The following ELOVL6 variants were observed in gnomAD, a reference collection of about 807,000 sequenced individuals.
ELOVL6 encodes ELOVL fatty acid elongase 6.
ELOVL6 carries 8 observed loss-of-function variants against 31.7 expected under a neutral mutation model. The ratio of observed to expected loss-of-function variants is 0.25; its 90% CI spans 0.15 to 0.45. The LOEUF (loss-of-function observed/expected upper bound fraction) is 0.45, where lower values mean the gene tolerates loss of function less well. ELOVL6 is among the 20% of genes least tolerant of loss of function. ELOVL6 has a pLI of 1.00. For missense variants in ELOVL6, 126 were observed against 326.4 expected, an observed-to-expected ratio of 0.39 and a Z score of 4.73; for synonymous variants, 101 against 117.7, an observed-to-expected ratio of 0.86 and a Z score of 0.92.
Position 110,167,303 on chromosome 4 carries a change from G to A in ELOVL6, c.89+30944C>T, listed in dbSNP as rs75055990. Among the ~76,000 whole-genome samples, 839 of 152,146 alleles carry A rather than the reference G, an allele frequency of 5.5e-3. 23 individuals are homozygous for A. Among genetic ancestry groups the A allele is most frequent in the East Asian group, 0.027 (139 of 5,180 alleles). On this transcript the variant is annotated intron_variant, in intron 1 of 3. Transcript: ENST00000302274. ...GGACTTGTGTTTTAGTACATACAGC[G>A]TTAAGTACTTAACCTTATACTAACT...
chr4:110,106,512 T>C (rs1299853700), intron 1 of ELOVL6, among the ~76,000 whole-genome samples: 2 of 152,176 alleles, frequency 1.3e-5, no homozygotes, highest in East Asian at 3.9e-4. Context: ...GACTGTATAC[T>C]GTACCATGGC....
intron 1 of ELOVL6, among the ~76,000 whole-genome samples, chr4:110,139,049 G>T (rs532577025): frequency 4.4e-4 from 67 of 152,204 alleles, no homozygotes; most frequent in Non-Finnish European, 7.6e-4. Flanking sequence ...TTCTTATCTT[G>T]CAGGGTTGAA....
chr4:110,130,960 T>C (rs968338264), intron 1 of ELOVL6, among the ~76,000 whole-genome samples: 1 of 152,234 alleles, frequency 6.6e-6, no homozygotes, highest in African/African-American at 2.4e-5. Context: ...TAAAGATCAT[T>C]AGATACTTCA....
intron 1 of ELOVL6, among the ~76,000 whole-genome samples, chr4:110,154,684 C>G (rs1239122008): frequency 6.6e-6 from 1 of 152,188 alleles, no homozygotes; most frequent in Non-Finnish European, 1.5e-5. Context: ...AGACCCAAAC[C>G]GAATTTCTTA....
intron 1 of ELOVL6, among the ~76,000 whole-genome samples, chr4:110,169,646 GTGAGCACACACAGGTGTT>G (rs1354239560): frequency 6.6e-6 from 1 of 152,122 alleles, no homozygotes; most frequent in Non-Finnish European, 1.5e-5. Flanking sequence ...CGGTGTGTGT[GTGAGCACACACAGGTGTT>G]TGGAAATTAT....
At chr4:110,081,200 T>A (rs1298072255) in intron 2 of ELOVL6, among the ~76,000 whole-genome samples, 1 of 152,098 alleles carries the variant, frequency 6.6e-6, no homozygotes. Flanking sequence ...GCCATCCCCA[T>A]CAAGCTACCA....
At chr4:110,122,136 T>C (rs946884540) in intron 1 of ELOVL6, among the ~76,000 whole-genome samples, 1 of 152,328 alleles carries the variant, frequency 6.6e-6, no homozygotes, top group East Asian at 1.9e-4. Context: ...GCCCTTTGCT[T>C]CAAAATCCTT....
At chr4:110,158,653 ATATATTTT>A (rs1356634517) in intron 1 of ELOVL6, among the ~76,000 whole-genome samples, 93 of 85,242 alleles carry the variant, frequency 1.1e-3, no homozygotes, top group African/African-American at 5.7e-3. Context: ...ATATATATAT[ATATATTTT>A]TTTTTTTTTT....
chr4:110,181,066 C>T (rs1169706272), intron 1 of ELOVL6, among the ~76,000 whole-genome samples: 1 of 151,402 alleles, frequency 6.6e-6, no homozygotes, highest in Non-Finnish European at 1.5e-5. Context: ...TGAGCTTAGG[C>T]ATTCGAGGTT....
chr4:110,169,473 C>A (rs550174388), intron 1 of ELOVL6, among the ~76,000 whole-genome samples: 77 of 151,198 alleles, frequency 5.1e-4, no homozygotes, highest in African/African-American at 1.8e-3. Context: ...TAACTCCTGA[C>A]CTCAGGTGAT....
At chr4:110,181,704 A>G (rs1300433732) in intron 1 of ELOVL6, among the ~76,000 whole-genome samples, 1 of 152,226 alleles carries the variant, frequency 6.6e-6, no homozygotes, top group Non-Finnish European at 1.5e-5. Flanking sequence ...CTGAAAGGTA[A>G]CCTTCTCCAT....
At chr4:110,105,926 C>A (rs1329728399) in intron 1 of ELOVL6, among the ~76,000 whole-genome samples, 3 of 152,190 alleles carry the variant, frequency 2.0e-5, no homozygotes, top group African/African-American at 4.8e-5. Flanking sequence ...AAAAAGTAGT[C>A]TTTTCACTGA....
At chr4:110,183,710 A>T (rs1399627412) in intron 1 of ELOVL6, among the ~76,000 whole-genome samples, 2 of 151,796 alleles carry the variant, frequency 1.3e-5, no homozygotes, top group African/African-American at 2.4e-5. Context: ...GTCTTTTTTT[A>T]AAAGTCATCT....
chr4:110,134,854 G>A (rs1052151983), intron 1 of ELOVL6, among the ~76,000 whole-genome samples: 6 of 152,032 alleles, frequency 3.9e-5, no homozygotes, highest in Non-Finnish European at 8.8e-5. Flanking sequence ...AGCTACTCAG[G>A]AGGCTGGGGT....
At chr4:110,055,382 A>C (rs7690709) in intron 3 of ELOVL6, among the ~76,000 whole-genome samples, 29,767 of 152,074 alleles carry the variant, frequency 0.2, 3,149 homozygotes, top group East Asian at 0.34. Flanking sequence ...ACATTGGCCA[A>C]GTACAAGCAA....
At chr4:110,062,747 T>C (rs971681459) in intron 2 of ELOVL6, among the ~76,000 whole-genome samples, 3 of 152,200 alleles carry the variant, frequency 2.0e-5, no homozygotes, top group African/African-American at 4.8e-5. Flanking sequence ...CACATTTAAG[T>C]TCTCGGCCAC....
At chr4:110,169,107 G>A (rs1207340915) in intron 1 of ELOVL6, among the ~76,000 whole-genome samples, 5 of 152,006 alleles carry the variant, frequency 3.3e-5, no homozygotes, top group Non-Finnish European at 5.9e-5. Context: ...GACTGCAGGT[G>A]TATGCCACCA....
In ELOVL6 at chr4:110,160,076, T is replaced by C. The variant is rs185119747; in HGVS notation, c.89+38171A>G. ...TCAAAGTTTTCTAAAAAACAACACA[T>C]GAGGGTTTGCTTACAACTTACACAC... is the stretch of plus-strand genomic sequence containing the variant. On this transcript the variant is annotated intron_variant, in intron 1 of 3. Transcript: ENST00000302274. 3.0e-3 allele frequency among the ~76,000 whole-genome samples: 453 copies of C among 150,144 alleles called. 1 individual carries two copies. The highest frequency in any genetic ancestry group is 1.0e-2 in the African/African-American group (397 of 39,760).
chr4:110,194,873 G>A (rs1759727085), intron 1 of ELOVL6, among the ~76,000 whole-genome samples: 1 of 152,176 alleles, frequency 6.6e-6, no homozygotes, highest in Non-Finnish European at 1.5e-5. Context: ...TTTGAGAGAG[G>A]ATGTTTTAAT....
Sources: allele counts gnomAD v4.1 joint callset (sites outside exome capture counted in the v4.1 genomes callset), GRCh38; gene constraint gnomAD v4.1.1; transcripts MANE v1.5; gene names NCBI Gene and HGNC (gene_info 2026-07-23, HGNC 2026-07-21).